UBR2: variants seen among roughly 807,000 people sequenced by gnomAD.
The protein encoded by UBR2 is ubiquitin protein ligase E3 component n-recognin 2, also known as E3 ubiquitin-protein ligase UBR2.
In UBR2, 92 loss-of-function variants were observed where a neutral mutation model predicts 247.9. That is an observed-to-expected ratio of 0.37 (90% CI 0.31 to 0.44). The LOEUF (loss-of-function observed/expected upper bound fraction) is 0.44, where lower values mean the gene tolerates loss of function less well. UBR2 is among the 20% of genes least tolerant of loss of function. The pLI is 1.00. For synonymous variants in UBR2, 672 were observed against 693.5 expected, an observed-to-expected ratio of 0.97 and a Z score of 0.49; for missense variants, 1,613 against 2,112.6, an observed-to-expected ratio of 0.76 and a Z score of 4.64.
intron 38 of UBR2, 24 bp from the exon 39 acceptor site, chr6:42,676,032 T>A (rs1450347820): frequency 6.3e-7 from 1 of 1,594,372 alleles, no homozygotes; most frequent in African/African-American, 1.4e-5. Context: ...GCGATCTGTC[T>A]GATGTCCTGT....
At chr6:42,629,387 C>T (rs967491542) in intron 11 of UBR2, among the ~76,000 whole-genome samples, 3 of 151,092 alleles carry the variant, frequency 2.0e-5, no homozygotes, top group East Asian at 2.0e-4. Flanking sequence ...GGCACAGTGG[C>T]GCACACCTGT....
chr6:42,614,205 A>AAAAAAAAAAT (rs1562310782), intron 8 of UBR2, among the ~76,000 whole-genome samples: 5 of 26,604 alleles, frequency 1.9e-4, no homozygotes, highest in Admixed American at 5.3e-4. Flanking sequence ...AAAAAAAAAA[A>AAAAAAAAAAT]CTATATATAT....
At chr6:42,585,525 T>C (rs1792197289) in intron 2 of UBR2, among the ~76,000 whole-genome samples, 1 of 152,216 alleles carries the variant, frequency 6.6e-6, no homozygotes, top group Non-Finnish European at 1.5e-5. Context: ...TTTTCTTAAA[T>C]GTTTGATAGA....
At chr6:42,607,378 G>T (rs951273796) in intron 7 of UBR2, among the ~76,000 whole-genome samples, 21 of 151,832 alleles carry the variant, frequency 1.4e-4, no homozygotes, top group African/African-American at 5.1e-4. Context: ...ATGTTATCCA[G>T]GCTGGTCTCA....
At chr6:42,681,162 CAAAAAA>C (rs59312824) in intron 42 of UBR2, among the ~76,000 whole-genome samples, 1 of 50,594 alleles carries the variant, frequency 2.0e-5, no homozygotes, top group East Asian at 6.3e-4. Flanking sequence ...GACTCCGTCT[CAAAAAA>C]AAAAAAAAAA....
Position 42,691,035 on chromosome 6 carries a change from G to A in UBR2, c.5130G>A (p.Arg1710=). 1 of 1,613,902 alleles carries A rather than the reference G, an allele frequency of 6.2e-7. No homozygotes were observed. Among genetic ancestry groups the A allele is most frequent in the Non-Finnish European group, 8.5e-7 (1 of 1,180,004 alleles). ...DYGETDQGLR[R]GNPLHLCKER... ...GACATGTGTCTTCTCTTTCTAGACGGGGAAATCCTTTACATTTATGCAAAG... is the reference window on the plus strand; with the variant it reads ...GACATGTGTCTTCTCTTTCTAGACGAGGAAATCCTTTACATTTATGCAAAG... Residue 1710 remains arginine (R), a synonymous_variant, in exon 47 of 47, where the codon CGG becomes CGA. Transcript: ENST00000372901.
chr6:42,619,430 TATATATATATATATATATATATA>T (rs1241878157), intron 11 of UBR2: 17 of 18,172 alleles, frequency 9.4e-4, no homozygotes, highest in South Asian at 3.4e-3. Flanking sequence ...TATATATATA[TATATATATATATATATATATATA>T]TTTTTTTTTT....
In UBR2 at chr6:42,691,935, T is replaced by G. The variant is rs1799776157; in HGVS notation, c.*762T>G. On this transcript the variant is annotated 3_prime_UTR_variant, in exon 47 of 47. Transcript: ENST00000372901. ...TAGGATATTCTAAAAGAATATGGATTAAAAATTTAGGATATTCTTTTAGAT... is the reference window on the plus strand; with the variant it reads ...TAGGATATTCTAAAAGAATATGGATGAAAAATTTAGGATATTCTTTTAGAT... 1 of 152,042 alleles carries G rather than the reference T, an allele frequency of 6.6e-6. No individual in the cohort carries two copies. Among genetic ancestry groups the G allele is most frequent in the Non-Finnish European group, 1.5e-5 (1 of 68,014 alleles). 9.4% of individuals were successfully genotyped at this position (152,042 alleles called of 1,614,324 possible). A position where few individuals can be genotyped will look rare whatever the true frequency, so the allele number is the denominator to read the frequency against.
intron 25 of UBR2, 28 bp downstream of exon 25, chr6:42,652,673 A>C: frequency 1.3e-6 from 2 of 1,578,322 alleles, no homozygotes; most frequent in Non-Finnish European, 1.7e-6. Context: ...TATTATTTAT[A>C]TTTTAGTATT....
chr6:42,590,428 C>G (rs2151916061), intron 2 of UBR2, among the ~76,000 whole-genome samples: 1 of 152,238 alleles, frequency 6.6e-6, no homozygotes, highest in Middle Eastern at 3.4e-3. Context: ...AAGACTGGCT[C>G]TCAGATTGAT....
intron 4 of UBR2, among the ~76,000 whole-genome samples, chr6:42,598,676 A>T (rs1421523054): frequency 6.6e-6 from 1 of 152,176 alleles, no homozygotes; most frequent in African/African-American, 2.4e-5. Flanking sequence ...GTCCATAAGG[A>T]ATTTCTCTTA....
chr6:42,636,796 T>C lies in UBR2; in HGVS notation c.1675-215T>C, dbSNP rs184726533. ...ATGGGGAATGGGGGAAAGGAGGGTA[T>C]TGGAATAACTTCTAGATTTCTGCAC... On this transcript the variant is annotated intron_variant, in intron 14 of 46. Transcript: ENST00000372901. 2.6e-5 allele frequency among the ~76,000 whole-genome samples: 4 copies of C among 152,070 alleles called. No homozygotes were observed. In the East Asian group the frequency reaches 7.8e-4, roughly 30 times the overall value.
intron 10 of UBR2, 64 bp from the exon 11 acceptor site, chr6:42,617,345 A>G: frequency 1.2e-6 from 2 of 1,614,004 alleles, no homozygotes; most frequent in Non-Finnish European, 1.7e-6. Flanking sequence ...TCTGGTGAGT[A>G]GTGCTTGCCT....
chr6:42,623,908 T>C (rs1015847194), intron 11 of UBR2, among the ~76,000 whole-genome samples: 2 of 152,146 alleles, frequency 1.3e-5, no homozygotes, highest in African/African-American at 2.4e-5. Flanking sequence ...TTTAAGGAAA[T>C]AAACCAAACT....
In UBR2 at chr6:42,684,839, C is replaced by T; in HGVS notation, c.4821C>T (p.Tyr1607=). The T allele has an allele frequency of 6.2e-7, 1 of 1,612,464 alleles. No homozygotes were observed. Among genetic ancestry groups the T allele is most frequent in the Non-Finnish European group, 8.5e-7 (1 of 1,179,124 alleles). Residue 1607 remains tyrosine, a synonymous_variant, in exon 44 of 47, where the codon TAC becomes TAT. Coordinates refer to ENST00000372901, the MANE Select transcript of UBR2 (RefSeq NM_001363705.2). ...AATTAATAAACCTTCCAGAGGATTA[C>T]AGCAGCCTCATTAATCAAGCATCCA... ...SNKLINLPED[Y]SSLINQASNF...
At chr6:42,679,898 A>G in intron 42 of UBR2, 66 bp downstream of exon 42, 11 of 1,110,880 alleles carry the variant, frequency 9.9e-6, no homozygotes, top group Non-Finnish European at 1.4e-5. Context: ...TAGTTATCAC[A>G]TATGTAGCAA....
At position 42,658,223 on chromosome 6, in the gene UBR2, T is replaced by C; in HGVS notation, c.2983-17T>C. 3 of 1,609,726 alleles carry C rather than the reference T, an allele frequency of 1.9e-6. No individual in the cohort carries two copies. The highest frequency in any genetic ancestry group is 8.5e-7 in the Non-Finnish European group (1 of 1,177,206). On this transcript the variant is annotated splice_polypyrimidine_tract_variant and intron_variant, in intron 27 of 46. Transcript: ENST00000372901. ...GATCATATTTCATACAGGATACTGA[T>C]ACTTTTTTTTTTGTAGACTTTTAAT... is the stretch of plus-strand genomic sequence containing the variant.
chr6:42,662,395 G>T lies in UBR2; in HGVS notation c.3536+118G>T, dbSNP rs1042291154. 6.3e-6 allele frequency: 4 copies of T among 631,862 alleles called. No individual in the cohort carries two copies. The African/African-American group carries it at 7.5e-5, about 12-fold the overall frequency. The allele number at this position is 631,862 out of a possible 1,614,324, so 39.1% of individuals were successfully genotyped here. A position where few individuals can be genotyped will look rare whatever the true frequency, so the allele number is the denominator to read the frequency against. ...AGAACTAAAAATGTTGAAAAAATCC[G>T]TATCATTGCCTAATAAATAACAAAA... On this transcript the variant is annotated intron_variant, in intron 31 of 46. Transcript: ENST00000372901.
chr6:42,614,431 T>TATATAC (rs1562312341), intron 8 of UBR2, among the ~76,000 whole-genome samples: 2 of 81,926 alleles, frequency 2.4e-5, no homozygotes, highest in Non-Finnish European at 2.6e-5. Context: ...TACATATATA[T>TATATAC]GTATGTACGT....
Sources: gnomAD v4.1 joint callset for allele counts (sites outside exome capture counted in the v4.1 genomes callset) on GRCh38, gnomAD v4.1.1 for gene constraint, MANE v1.5 for transcripts, NCBI Gene and HGNC (gene_info 2026-07-23, HGNC 2026-07-21) for gene names.